The following ECT2L variants were observed in gnomAD, a reference collection of about 807,000 sequenced individuals.
ECT2L encodes the protein epithelial cell transforming 2 like, also known as epithelial cell-transforming sequence 2 oncogene-like.
ECT2L carries 126 observed loss-of-function variants against 122.8 expected under a neutral mutation model. The observed-to-expected ratio is 1.03, with a 90% CI of 0.89 to 1.19. The LOEUF is 1.19. ECT2L is among the 50% of genes most tolerant of loss of function. The pLI, the probability that ECT2L is intolerant of heterozygous loss-of-function variation, is 0.00. For missense variants in ECT2L, 1,012 were observed against 1,064.1 expected (o/e 0.95, Z 0.68); for synonymous variants, 385 against 381.8 (o/e 1.01, Z -0.10).
At chr6:138,804,807 A>G (rs1207219128) in intron 1 of ECT2L, among the ~76,000 whole-genome samples, 1 of 152,168 alleles carries the variant, frequency 6.6e-6, no homozygotes, top group African/African-American at 2.4e-5. Flanking sequence ...TTTTCCAGGT[A>G]CTTAGTGGTA....
At chr6:138,809,738 C>T (rs1775829133) in intron 1 of ECT2L, among the ~76,000 whole-genome samples, 1 of 152,058 alleles carries the variant, frequency 6.6e-6, no homozygotes, top group Non-Finnish European at 1.5e-5. Context: ...AAAGGTTATA[C>T]CAACTTTATA....
In ECT2L at chr6:138,881,053, G is replaced by T. The variant is rs769129930; in HGVS notation, c.1762G>T (p.Val588Leu). 1.9e-6 allele frequency: 3 copies of T among 1,614,200 alleles called. No homozygotes were observed. The highest frequency in any genetic ancestry group is 2.5e-6 in the Non-Finnish European group (3 of 1,180,030). ...AAAATACGTGCAGATACTGGAAATTGTGAGAGATGTTTATGTCGCACCACT... is the reference window on the plus strand; with the variant it reads ...AAAATACGTGCAGATACTGGAAATTTTGAGAGATGTTTATGTCGCACCACT... ...ERKYVQILEI[V>L]RDVYVAPLKA... Residue 588 changes from valine (V) to leucine (L), a missense_variant, in exon 15 of 22, where the codon GTG becomes TTG. By Grantham distance (32) the Val-to-Leu change is conservative. Coordinates refer to ENST00000541398, the MANE Select transcript of ECT2L (RefSeq NM_001077706.3).
At chr6:138,851,979 C>A (rs1167049422) in intron 9 of ECT2L, among the ~76,000 whole-genome samples, 1 of 152,036 alleles carries the variant, frequency 6.6e-6, no homozygotes, top group Non-Finnish European at 1.5e-5. Flanking sequence ...ACAGGGCAGC[C>A]GTCAAAAATC....
chr6:138,803,062 G>A (rs1367409218), intron 1 of ECT2L, among the ~76,000 whole-genome samples: 2 of 124,758 alleles, frequency 1.6e-5, no homozygotes, highest in Non-Finnish European at 1.6e-5. Context: ...GGGCGACACA[G>A]AGAGAGACTG....
intron 16 of ECT2L, among the ~76,000 whole-genome samples, chr6:138,885,281 G>A (rs1369569277): frequency 1.3e-5 from 2 of 151,910 alleles, no homozygotes; most frequent in South Asian, 2.1e-4. Flanking sequence ...GCCTGCCTCC[G>A]CCTCCCAAAG....
At chr6:138,868,279 A>G in intron 13 of ECT2L, 73 bp downstream of exon 13, 6 of 1,386,530 alleles carry the variant, frequency 4.3e-6, no homozygotes, top group Non-Finnish European at 6.0e-6. Flanking sequence ...GTTATTATTA[A>G]TTTTTTTGAC....
At chr6:138,885,924 T>C in intron 18 of ECT2L, 94 bp downstream of exon 18, 2 of 1,305,418 alleles carry the variant, frequency 1.5e-6, no homozygotes, top group Non-Finnish European at 1.1e-6. Context: ...TATCTTCTTG[T>C]GGGGTTCTTC....
chr6:138,838,120 T>C (rs1474176701), intron 4 of ECT2L, among the ~76,000 whole-genome samples: 1 of 152,198 alleles, frequency 6.6e-6, no homozygotes, highest in African/African-American at 2.4e-5. Flanking sequence ...TAGGCTGGTC[T>C]TGAACCCCTA....
chr6:138,894,291 G>C (rs1027786493), intron 20 of ECT2L, among the ~76,000 whole-genome samples: 7 of 151,972 alleles, frequency 4.6e-5, no homozygotes, highest in Admixed American at 2.0e-4. Context: ...TCTTGACCTT[G>C]TGACCCACCC....
chr6:138,829,630 C>T (rs1180528174), intron 4 of ECT2L, among the ~76,000 whole-genome samples: 2 of 152,192 alleles, frequency 1.3e-5, no homozygotes, highest in East Asian at 3.8e-4. Flanking sequence ...TATATCATTA[C>T]TGAAATCAGT....
In ECT2L at chr6:138,854,016, T is replaced by G; in HGVS notation, c.1070-10T>G. Reference sequence around the variant, plus strand: ...CAAGCTAATATGACATTTTGATTTTTTTTCCTCAGGCTATAAAATTGGTGT... The same window carrying G: ...CAAGCTAATATGACATTTTGATTTTGTTTCCTCAGGCTATAAAATTGGTGT... On this transcript the variant is annotated splice_polypyrimidine_tract_variant and intron_variant, in intron 9 of 21. Transcript: ENST00000541398. The G allele has an allele frequency of 6.2e-7, 1 of 1,612,050 alleles. No individual in the cohort carries two copies. Among genetic ancestry groups the G allele is most frequent in the Non-Finnish European group, 8.5e-7 (1 of 1,179,108 alleles).
chr6:138,868,062 T>G (rs1463050514), intron 12 of ECT2L, 41 bp from the exon 13 acceptor site: 1 of 1,336,596 alleles, frequency 7.5e-7, no homozygotes, highest in South Asian at 1.3e-5. Flanking sequence ...TCACATTTCT[T>G]ACATAAATCA....
At chr6:138,853,205 A>T (rs1777509147) in intron 9 of ECT2L, among the ~76,000 whole-genome samples, 1 of 152,100 alleles carries the variant, frequency 6.6e-6, no homozygotes, top group Non-Finnish European at 1.5e-5. Context: ...TGACCTTGTG[A>T]TCCACCTGCC....
At chr6:138,798,988 T>C (rs1775438667) in intron 1 of ECT2L, among the ~76,000 whole-genome samples, 1 of 152,238 alleles carries the variant, frequency 6.6e-6, no homozygotes. Context: ...TTCTGATTTC[T>C]GTACATCACT....
chr6:138,892,349 C>T (rs568721124), intron 20 of ECT2L, among the ~76,000 whole-genome samples: 10 of 152,096 alleles, frequency 6.6e-5, no homozygotes, highest in Non-Finnish European at 1.2e-4. Context: ...TGTTCTTGCA[C>T]GTTGTCTACT....
At chr6:138,808,813 G>A (rs766643092) in intron 1 of ECT2L, among the ~76,000 whole-genome samples, 5 of 146,660 alleles carry the variant, frequency 3.4e-5, no homozygotes, top group Non-Finnish European at 7.4e-5. Context: ...TGCAACCTCC[G>A]CCTCCCCAAT....
At chr6:138,804,388 C>G (rs1389798675) in intron 1 of ECT2L, among the ~76,000 whole-genome samples, 1 of 152,116 alleles carries the variant, frequency 6.6e-6, no homozygotes, top group African/African-American at 2.4e-5. Context: ...ATACCTGGGT[C>G]TATTTTGGAG....
At chr6:138,848,515 G>A (rs938490885) in intron 8 of ECT2L, among the ~76,000 whole-genome samples, 1 of 152,160 alleles carries the variant, frequency 6.6e-6, no homozygotes, top group African/African-American at 2.4e-5. Flanking sequence ...GTATTAATAT[G>A]CACACATAGG....
intron 5 of ECT2L, among the ~76,000 whole-genome samples, chr6:138,840,373 G>A (rs888609109): frequency 7.7e-6 from 1 of 129,392 alleles, no homozygotes; most frequent in African/African-American, 2.5e-5. Context: ...TGATTTATAT[G>A]TGACCATATT....
Sources: gnomAD v4.1 joint callset for allele counts (sites outside exome capture counted in the v4.1 genomes callset) on GRCh38, gnomAD v4.1.1 for gene constraint, MANE v1.5 for transcripts, NCBI Gene and HGNC (gene_info 2026-07-23, HGNC 2026-07-21) for gene names.